ERC2: variants seen among roughly 807,000 people sequenced by gnomAD.
ERC2 encodes the protein ELKS/RAB6-interacting/CAST family member 2, also known as ERC protein 2.
In ERC2, 42 loss-of-function variants were observed where a neutral mutation model predicts 114.8. That is an observed-to-expected ratio of 0.37 (90% CI 0.29 to 0.47). ERC2 has a LOEUF of 0.47. ERC2 is among the 20% of genes least tolerant of loss of function. The pLI, the probability that ERC2 is intolerant of heterozygous loss-of-function variation, is 0.99. For synonymous variants in ERC2, 454 were observed against 425.5 expected, an observed-to-expected ratio of 1.07 and a Z score of -0.82; for missense variants, 939 against 1,150.7, an observed-to-expected ratio of 0.82 and a Z score of 2.66.
intron 12 of ERC2, among the ~76,000 whole-genome samples, chr3:55,972,028 T>G (rs754946762): frequency 6.6e-6 from 1 of 152,168 alleles, no homozygotes; most frequent in Non-Finnish European, 1.5e-5. Flanking sequence ...GACACTGAAA[T>G]AGCTCCCATT....
At chr3:56,294,538 T>A (rs1439817149) in intron 3 of ERC2, among the ~76,000 whole-genome samples, 1 of 152,224 alleles carries the variant, frequency 6.6e-6, no homozygotes, top group Non-Finnish European at 1.5e-5. Flanking sequence ...CCTTACCACA[T>A]GGGCCTCTCC....
At chr3:55,588,882 G>A (rs973191098) in intron 17 of ERC2, among the ~76,000 whole-genome samples, 2 of 152,062 alleles carry the variant, frequency 1.3e-5, no homozygotes, top group African/African-American at 4.8e-5. Context: ...CCTCGAGTGT[G>A]TGGGAACACT....
chr3:55,894,691 C>G (rs984417973), intron 13 of ERC2, among the ~76,000 whole-genome samples: 2 of 152,168 alleles, frequency 1.3e-5, no homozygotes, highest in African/African-American at 4.8e-5. Flanking sequence ...AGGAGAAAAT[C>G]AAGTATCACA....
intron 14 of ERC2, among the ~76,000 whole-genome samples, chr3:55,801,925 A>G (rs1174868636): frequency 6.6e-6 from 1 of 152,232 alleles, no homozygotes; most frequent in Non-Finnish European, 1.5e-5. Context: ...CTTCCGATCC[A>G]GTGGGTCTGG....
At chr3:55,747,001 CT>C (rs1245250468) in intron 14 of ERC2, among the ~76,000 whole-genome samples, 1 of 152,182 alleles carries the variant, frequency 6.6e-6, no homozygotes, top group Non-Finnish European at 1.5e-5. Context: ...GGTCTGCCAT[CT>C]TGTGGCCATT....
At chr3:55,673,455 C>G (rs1018004638) in intron 17 of ERC2, among the ~76,000 whole-genome samples, 2 of 152,090 alleles carry the variant, frequency 1.3e-5, no homozygotes, top group African/African-American at 4.8e-5. Flanking sequence ...TGGTGGCGCA[C>G]GCCTGTACTC....
intron 14 of ERC2, among the ~76,000 whole-genome samples, chr3:55,840,290 A>G (rs1310518752): frequency 6.6e-6 from 1 of 151,914 alleles, no homozygotes; most frequent in Non-Finnish European, 1.5e-5. Flanking sequence ...AAACAAGTAA[A>G]CAAACAATAC....
chr3:55,738,653 CCT>C (rs2065791671), intron 14 of ERC2, among the ~76,000 whole-genome samples: 1 of 152,114 alleles, frequency 6.6e-6, no homozygotes, highest in Admixed American at 6.6e-5. Context: ...AACCAGACTC[CCT>C]GTGTCTACTT....
chr3:55,521,221 A>C (rs2107203660), intron 17 of ERC2, among the ~76,000 whole-genome samples: 1 of 152,322 alleles, frequency 6.6e-6, no homozygotes, highest in South Asian at 2.1e-4. Flanking sequence ...CCTGTCGGCC[A>C]CCTGGGTCCA....
chr3:55,961,566 C>A (rs1036461353), intron 12 of ERC2, among the ~76,000 whole-genome samples: 6 of 152,142 alleles, frequency 3.9e-5, no homozygotes, highest in Non-Finnish European at 8.8e-5. Context: ...CACTAAGGGT[C>A]TAGCACAATG....
intron 14 of ERC2, among the ~76,000 whole-genome samples, chr3:55,825,407 T>C (rs958248382): frequency 6.6e-6 from 1 of 152,234 alleles, no homozygotes; most frequent in Admixed American, 6.5e-5. Flanking sequence ...CTAATGATTA[T>C]GATCTGAACC....
chr3:55,733,965 A>G (rs62249318), intron 15 of ERC2, among the ~76,000 whole-genome samples: 2,599 of 152,316 alleles, frequency 0.017, 37 homozygotes, highest in Middle Eastern at 0.031. Context: ...ATCTTCAATC[A>G]TTGCTTACAA....
chr3:55,845,155 A>T (rs1338817256), intron 14 of ERC2, among the ~76,000 whole-genome samples: 1 of 152,140 alleles, frequency 6.6e-6, no homozygotes, highest in Non-Finnish European at 1.5e-5. Flanking sequence ...GGTTCCTAAC[A>T]GGACATGGAT....
At chr3:55,695,914 T>A (rs2062904074) in intron 16 of ERC2, among the ~76,000 whole-genome samples, 1 of 152,212 alleles carries the variant, frequency 6.6e-6, no homozygotes, top group African/African-American at 2.4e-5. Context: ...TTATATGACT[T>A]TTTAGATCCT....
intron 7 of ERC2, among the ~76,000 whole-genome samples, chr3:56,027,584 C>A (rs1005093760): frequency 3.9e-5 from 6 of 152,182 alleles, no homozygotes; most frequent in Non-Finnish European, 7.4e-5. Context: ...TTTTTAACAT[C>A]TTTTCATGTG....
At chr3:56,211,125 A>C (rs2049033894) in intron 3 of ERC2, among the ~76,000 whole-genome samples, 1 of 152,148 alleles carries the variant, frequency 6.6e-6, no homozygotes, top group Non-Finnish European at 1.5e-5. Flanking sequence ...GAAAGAAATA[A>C]AGGGCATCCA....
chr3:55,996,715 T>G (rs1311550888), intron 10 of ERC2, among the ~76,000 whole-genome samples: 1 of 152,206 alleles, frequency 6.6e-6, no homozygotes, highest in African/African-American at 2.4e-5. Flanking sequence ...TGGGTTTTGA[T>G]GTGAACTGAC....
intron 6 of ERC2, among the ~76,000 whole-genome samples, chr3:56,115,211 T>C (rs1393126701): frequency 5.3e-5 from 8 of 152,180 alleles, no homozygotes; most frequent in Non-Finnish European, 1.2e-4. Flanking sequence ...TCTTGATGAA[T>C]TGGCTCTATA....
intron 13 of ERC2, among the ~76,000 whole-genome samples, chr3:55,946,401 C>T (rs1250662614): frequency 1.3e-5 from 2 of 152,132 alleles, no homozygotes; most frequent in Non-Finnish European, 2.9e-5. Context: ...TTTCCATTTA[C>T]TGGTGTGTGT....
Sources: allele counts gnomAD v4.1 joint callset (sites outside exome capture counted in the v4.1 genomes callset), GRCh38; gene constraint gnomAD v4.1.1; transcripts MANE v1.5; gene names NCBI Gene and HGNC (gene_info 2026-07-23, HGNC 2026-07-21).